SPSB1: variants seen among roughly 807,000 people sequenced by gnomAD.
SPSB1 encodes splA/ryanodine receptor domain and SOCS box containing 1, also known as SPRY domain-containing SOCS box protein 1.
A neutral mutation model predicts 21.2 loss-of-function variants in SPSB1; 8 were observed. That is an observed-to-expected ratio of 0.38 (90% CI 0.22 to 0.68). The LOEUF is 0.68. SPSB1 is among the 30% of genes least tolerant of loss of function. SPSB1 has a pLI of 0.53. For missense variants in SPSB1, 242 were observed against 377.8 expected, an observed-to-expected ratio of 0.64 and a Z score of 2.98; for synonymous variants, 169 against 161.7, an observed-to-expected ratio of 1.05 and a Z score of -0.34.
intron 2 of SPSB1, among the ~76,000 whole-genome samples, chr1:9,358,545 T>C (rs1460404343): frequency 6.6e-6 from 1 of 152,220 alleles, no homozygotes; most frequent in Admixed American, 6.5e-5. Context: ...TTGGGAGCCC[T>C]GGGCATATCC....
intron 1 of SPSB1, among the ~76,000 whole-genome samples, chr1:9,320,811 T>C (rs1478367854): frequency 1.3e-5 from 2 of 152,136 alleles, no homozygotes; most frequent in Non-Finnish European, 2.9e-5. Context: ...ATTTTAAATT[T>C]ATGTCACTGG....
At position 9,324,412 on chromosome 1, in the gene SPSB1, G is replaced by T. The variant is rs1339922128; in HGVS notation, c.-149-31331G>T. Among the ~76,000 whole-genome samples, 2 of 152,108 alleles carry T rather than the reference G, an allele frequency of 1.3e-5. No individual in the cohort carries two copies. The highest frequency in any genetic ancestry group is 2.9e-5 in the Non-Finnish European group (2 of 68,010). ...GGTAGGTCCTCAGTGAGGCTGTGAT[G>T]AGCGTGGGGGCGTCTGGTGCCTGGG... is the stretch of plus-strand genomic sequence containing the variant. On this transcript the variant is annotated intron_variant, in intron 1 of 2. Coordinates refer to ENST00000328089, the MANE Select transcript of SPSB1 (RefSeq NM_025106.4). The surrounding 1 kb of genome is among the most constrained non-coding windows in gnomAD (Gnocchi z 4.3).
intron 1 of SPSB1, among the ~76,000 whole-genome samples, chr1:9,352,699 A>C (rs1185241364): frequency 1.9e-4 from 24 of 126,248 alleles, no homozygotes; most frequent in South Asian, 7.6e-4. Flanking sequence ...ACCCCACTTC[A>C]CCCTTTCAGA....
chr1:9,354,811 AG>A (rs952553792), intron 1 of SPSB1, among the ~76,000 whole-genome samples: 5 of 150,276 alleles, frequency 3.3e-5, no homozygotes, highest in Non-Finnish European at 7.4e-5. Flanking sequence ...AAAAAAAAAA[AG>A]AATTCTTCCT....
chr1:9,346,671 A>C lies in SPSB1; in HGVS notation c.-149-9072A>C, dbSNP rs1557461454. ...AGTCTGGCCTGTCTCAGCCTCCCCC[A>C]GGGTCTGCTCTCAGTGCCTCATTCC... On this transcript the variant is annotated intron_variant, in intron 1 of 2. Transcript: ENST00000328089. This position sits in a 1 kb window ranked among gnomAD's most constrained non-coding sequence, Gnocchi z 4.4. Among the ~76,000 whole-genome samples the C allele has an allele frequency of 6.6e-6, 1 of 152,130 alleles. No individual in the cohort carries two copies.
chr1:9,337,337 T>A (rs1267052420), intron 1 of SPSB1, among the ~76,000 whole-genome samples: 1 of 151,418 alleles, frequency 6.6e-6, no homozygotes, highest in African/African-American at 2.4e-5. Context: ...GGGGGCTCAG[T>A]GGGGGAAAGA....
chr1:9,332,781 T>G (rs1639942552), intron 1 of SPSB1, among the ~76,000 whole-genome samples: 1 of 152,076 alleles, frequency 6.6e-6, no homozygotes, highest in Non-Finnish European at 1.5e-5. Context: ...GGATGCTTGT[T>G]TTTTGGGCCC....
intron 1 of SPSB1, among the ~76,000 whole-genome samples, chr1:9,313,037 C>T (rs751892841): frequency 1.3e-5 from 2 of 152,234 alleles, no homozygotes; most frequent in Non-Finnish European, 2.9e-5. Flanking sequence ...CATTAACTTA[C>T]TGACTGCTGC....
At chr1:9,302,273 C>G (rs1639341977) in intron 1 of SPSB1, among the ~76,000 whole-genome samples, 1 of 152,150 alleles carries the variant, frequency 6.6e-6, no homozygotes, top group Admixed American at 6.5e-5. Flanking sequence ...TAAGGAATAC[C>G]CAGGTAGATG....
At chr1:9,310,186 G>A (rs1199608135) in intron 1 of SPSB1, among the ~76,000 whole-genome samples, 1 of 151,886 alleles carries the variant, frequency 6.6e-6, no homozygotes, top group Non-Finnish European at 1.5e-5. Context: ...GGCCATCTGT[G>A]ATGATGCTCC....
chr1:9,333,341 T>C (rs1337698654), intron 1 of SPSB1, among the ~76,000 whole-genome samples: 6 of 151,236 alleles, frequency 4.0e-5, no homozygotes, highest in Admixed American at 3.3e-4. Flanking sequence ...TTTTTTTTTT[T>C]TTTTTTTAAG....
chr1:9,327,144 C>T (rs56722751), intron 1 of SPSB1, among the ~76,000 whole-genome samples: 11,151 of 152,180 alleles, frequency 0.073, 1,007 homozygotes, highest in African/African-American at 0.21. Context: ...GCAGCGCTTC[C>T]GGGGGTCCCA....
At chr1:9,366,482 G>A (rs543482410) in intron 2 of SPSB1, among the ~76,000 whole-genome samples, 1 of 152,244 alleles carries the variant, frequency 6.6e-6, no homozygotes, top group African/African-American at 2.4e-5. Flanking sequence ...TAGTGGCTAA[G>A]GGCATGGACG....
intron 1 of SPSB1, among the ~76,000 whole-genome samples, chr1:9,328,784 T>C (rs1264251180): frequency 6.6e-6 from 1 of 152,212 alleles, no homozygotes; most frequent in Non-Finnish European, 1.5e-5. Context: ...CGCTGGGGCT[T>C]CCCAACATGG....
At chr1:9,326,900 G>A (rs575803226) in intron 1 of SPSB1, among the ~76,000 whole-genome samples, 8 of 152,058 alleles carry the variant, frequency 5.3e-5, no homozygotes, top group South Asian at 2.1e-4. Context: ...AGCAGCTGGC[G>A]CCTTTTTTAG....
At position 9,324,415 on chromosome 1, in the gene SPSB1, C is replaced by T. The variant is rs923682148; in HGVS notation, c.-149-31328C>T. ...AGGTCCTCAGTGAGGCTGTGATGAG[C>T]GTGGGGGCGTCTGGTGCCTGGGTGC... On this transcript the variant is annotated intron_variant, in intron 1 of 2. Transcript: ENST00000328089. The surrounding 1 kb of genome is among the most constrained non-coding windows in gnomAD (Gnocchi z 4.3). 3.3e-5 allele frequency among the ~76,000 whole-genome samples: 5 copies of T among 152,006 alleles called. No individual in the cohort carries two copies. Among genetic ancestry groups the T allele is most frequent in the Non-Finnish European group, 7.4e-5 (5 of 67,988 alleles).
At chr1:9,359,848 G>GA (rs952460059) in intron 2 of SPSB1, among the ~76,000 whole-genome samples, 8 of 36,300 alleles carry the variant, frequency 2.2e-4, no homozygotes, top group Non-Finnish European at 4.3e-4. Context: ...GATGGAAGCC[G>GA]GGGGGGTGGG....
intron 1 of SPSB1, among the ~76,000 whole-genome samples, chr1:9,310,705 AAAAG>A (rs1183528621): frequency 6.6e-6 from 1 of 152,010 alleles, no homozygotes; most frequent in African/African-American, 2.4e-5. Flanking sequence ...TAAAAAAAAA[AAAAG>A]AGAGACCTGG....
At chr1:9,329,526 C>T (rs1250324664) in intron 1 of SPSB1, among the ~76,000 whole-genome samples, 4 of 151,858 alleles carry the variant, frequency 2.6e-5, no homozygotes, top group Middle Eastern at 3.4e-3. Flanking sequence ...AATGAAACCC[C>T]GTCTCTACAA....
Sources: gnomAD v4.1 joint callset for allele counts (sites outside exome capture counted in the v4.1 genomes callset) on GRCh38, gnomAD v4.1.1 for gene constraint, Gnocchi (gnomAD v3.1) non-coding constraint, MANE v1.5 for transcripts, NCBI Gene and HGNC (gene_info 2026-07-23, HGNC 2026-07-21) for gene names.